Variants in IL4I1 observed in about 807,000 individuals in gnomAD.
The protein encoded by IL4I1 is interleukin 4 induced 1.
IL4I1 carries 24 observed loss-of-function variants against 29.7 expected under a neutral mutation model. The ratio of observed to expected loss-of-function variants is 0.81; its 90% CI spans 0.59 to 1.14. IL4I1 has a LOEUF of 1.14. Ranked by LOEUF, IL4I1 falls within the 50% of genes most tolerant of loss-of-function variation. The pLI, the probability that IL4I1 is intolerant of heterozygous loss-of-function variation, is 0.00. For missense variants in IL4I1, 686 were observed against 785.6 expected (o/e 0.87, Z 1.52); for synonymous variants, 371 against 352.5 (o/e 1.05, Z -0.59).
At position 49,890,965 on chromosome 19, in the gene IL4I1, C is replaced by CCCCCCCCCCCG; in HGVS notation, c.773+5_773+6insCGGGGGGGGGG. The CCCCCCCCCCCG allele has an allele frequency of 6.5e-7, 1 of 1,531,630 alleles. No homozygotes were observed. Among genetic ancestry groups the CCCCCCCCCCCG allele is most frequent in the Non-Finnish European group, 8.8e-7 (1 of 1,137,636 alleles). The allele number at this position is 1,531,630 out of a possible 1,614,324, so 94.9% of individuals were successfully genotyped here. Reference sequence around the variant, plus strand: ...CCCCCCCCTGCCCGCCAGCCCCGCCCCTTACTGGAGTCTGTCGCTGAGGCA... The same window carrying CCCCCCCCCCCG: ...CCCCCCCCTGCCCGCCAGCCCCGCCCCCCCCCCCCCGCTTACTGGAGTCTGTCGCTGAGGCA... On this transcript the variant is annotated splice_donor_region_variant and intron_variant, in intron 7 of 7. Transcript: ENST00000391826.
intron 2 of IL4I1, among the ~76,000 whole-genome samples, chr19:49,915,867 A>G (rs1055044237): frequency 2.6e-5 from 4 of 152,254 alleles, no homozygotes; most frequent in African/African-American, 9.6e-5. Flanking sequence ...TAGGCCATCT[A>G]TGATGGGAGG....
chr19:49,921,674 C>A lies in IL4I1; in HGVS notation c.-228+6020G>T, dbSNP rs2075768277. ...CTCAAAACTCTCCATGGGGGGTACC[C>A]CTCTGCCCATTGAGGGGGCACCTAG... On this transcript the variant is annotated intron_variant, in intron 2 of 9. Coordinates refer to the IL4I1 transcript ENST00000341114. This position sits in a 1 kb window ranked among gnomAD's most constrained non-coding sequence, Gnocchi z 5.4. Among the ~76,000 whole-genome samples, 1 of 152,224 alleles carries A rather than the reference C, an allele frequency of 6.6e-6. No individual in the cohort carries two copies. Among genetic ancestry groups the A allele is most frequent in the Non-Finnish European group, 1.5e-5 (1 of 68,036 alleles).
chr19:49,927,502 G>T (rs887051457), intron 2 of IL4I1, among the ~76,000 whole-genome samples: 2 of 152,198 alleles, frequency 1.3e-5, no homozygotes, highest in Non-Finnish European at 2.9e-5. Context: ...GACAAGCTCA[G>T]TCTATGCTCT....
intron 2 of IL4I1, among the ~76,000 whole-genome samples, chr19:49,904,911 C>T (rs191977795): frequency 1.2e-4 from 18 of 152,222 alleles, no homozygotes; most frequent in East Asian, 3.9e-4. Flanking sequence ...AGGGTTTCAC[C>T]GTGTTAGCCA....
intron 7 of IL4I1, 122 bp from the exon 8 acceptor site, chr19:49,890,722 A>G: frequency 1.2e-6 from 1 of 826,860 alleles, no homozygotes. Flanking sequence ...CCCGTCATCC[A>G]CCTCTCCCGA....
rs535071718 is a variant in IL4I1, at chr19:49,896,053, G to T, written c.14C>A (p.Ala5Asp). The T allele has an allele frequency of 4.3e-6, 7 of 1,613,580 alleles. No individual in the cohort carries two copies. The highest frequency in any genetic ancestry group is 5.9e-6 in the Non-Finnish European group (7 of 1,179,676). The change falls in exon 3 of 8, where the codon GCC (alanine) becomes GAC (aspartate). Residue 5 changes from alanine (A) to aspartate (D), a missense_variant and splice_region_variant. Physicochemically the swap from Ala to Asp is moderately radical, Grantham distance 126 (BLOSUM62 -2). Transcript: ENST00000391826. ...GGGGACGAGGACGAGGAGGTGCAGG[G>T]CTGGGAGGAGGAGGACAGGGTCAAC... MAPL[A>D]LHLLVLVPIL... is the part of the protein sequence containing the mutation.
rs745773961 is a variant in IL4I1 at position 49,890,030 on chromosome 19, C to T, written c.1344G>A (p.Gln448=). Residue 448 remains glutamine (Q), a synonymous_variant, in exon 8 of 8, where the codon CAG becomes CAA. Transcript: ENST00000391826. ...TGVVKRWAED[Q]HSQGGFVVQP... is the part of the protein sequence containing the mutation. ...GTACCACAAAGCCACCCTGGCTGTGCTGGTCCTCCGCCCAACGCTTGACGA... is the reference window on the plus strand; with the variant it reads ...GTACCACAAAGCCACCCTGGCTGTGTTGGTCCTCCGCCCAACGCTTGACGA... 12 of 1,551,710 alleles carry T rather than the reference C, an allele frequency of 7.7e-6. No homozygotes were observed. The Admixed American group carries it at 1.6e-4, about 20-fold the overall frequency.
At chr19:49,894,203 G>C in intron 5 of IL4I1, 65 bp downstream of exon 5, 7 of 1,496,796 alleles carry the variant, frequency 4.7e-6, no homozygotes, top group Non-Finnish European at 5.5e-6. Context: ...GAAAAGCCGG[G>C]CCGGGGCGAG....
At chr19:49,891,335 ACT>A (rs2075135940) in intron 6 of IL4I1, 68 bp downstream of exon 6, 8 of 1,543,150 alleles carry the variant, frequency 5.2e-6, no homozygotes, top group South Asian at 2.2e-5. Flanking sequence ...CCGCCTTCTG[ACT>A]CTCTGGGGAA....
intron 2 of IL4I1, among the ~76,000 whole-genome samples, chr19:49,925,498 G>C (rs551755438): frequency 1.6e-4 from 24 of 148,712 alleles, no homozygotes; most frequent in Non-Finnish European, 4.4e-5. Flanking sequence ...TCAATATCCC[G>C]CAATCCCAGT....
chr19:49,928,068 C>T (rs1011067706), intron 1 of IL4I1: 3 of 152,220 alleles, frequency 2.0e-5, no homozygotes, highest in Non-Finnish European at 2.9e-5. Flanking sequence ...CCTGGGCACC[C>T]ATCATTTGGA....
chr19:49,908,891 G>A (rs1423959579), intron 2 of IL4I1: 2 of 1,609,262 alleles, frequency 1.2e-6, no homozygotes, highest in South Asian at 2.2e-5. Flanking sequence ...GGCAGCTGCT[G>A]TATTGCTGGG....
upstream of IL4I1, chr19:49,901,659 G>T: frequency 6.5e-7 from 1 of 1,530,288 alleles, no homozygotes; most frequent in Non-Finnish European, 8.8e-7. Flanking sequence ...CCTCTGGGGG[G>T]CTCTCTCAGC....
chr19:49,928,360 A>G (rs2075960499), intron 1 of IL4I1: 1 of 152,192 alleles, frequency 6.6e-6, no homozygotes, highest in Admixed American at 6.5e-5. Flanking sequence ...TACTAAAAAT[A>G]CAAAAAATTA....
Position 49,890,152 on chromosome 19 carries a change from C to A in IL4I1, c.1222G>T (p.Ala408Ser). Residue 408 changes from alanine to serine, a missense_variant, in exon 8 of 8, where the codon GCC (alanine) becomes TCC (serine). Coordinates refer to ENST00000391826, the MANE Select transcript of IL4I1 (RefSeq NM_152899.2). ...AACGCCTCTTCCCGGCTCAAGCCGGCGAACGCTGCCGCCGCGTCCGACCAC... is the reference window on the plus strand; with the variant it reads ...AACGCCTCTTCCCGGCTCAAGCCGGAGAACGCTGCCGCCGCGTCCGACCAC... ...YTWSDAAAAF[A>S]GLSREEALRL... 6.5e-7 allele frequency: 1 copy of A among 1,541,258 alleles called. No homozygotes were observed. Among genetic ancestry groups the A allele is most frequent in the Non-Finnish European group, 8.7e-7 (1 of 1,143,058 alleles).
rs1469867486 is a variant in IL4I1 at position 49,895,216 on chromosome 19, C to G, written c.253-36G>C. 3.9e-6 allele frequency: 6 copies of G among 1,548,524 alleles called. No homozygotes were observed. In the African/African-American group the frequency reaches 5.4e-5, roughly 14 times the overall value. On this transcript the variant is annotated intron_variant, in intron 3 of 7. Transcript: ENST00000391826. ...CCGTGGGGCGAGGAGGGCCCTTCAG[C>G]TCCACCCACTGACCATCCCCTGCCC...
intron 5 of IL4I1, among the ~76,000 whole-genome samples, chr19:49,891,702 C>T (rs989925903): frequency 1.3e-5 from 2 of 152,258 alleles, no homozygotes; most frequent in East Asian, 1.9e-4. Context: ...CGCCCATCCC[C>T]CCTCATTCGG....
chr19:49,927,899 G>A (rs1434180687), intron 1 of IL4I1: 2 of 152,258 alleles, frequency 1.3e-5, no homozygotes, highest in African/African-American at 4.8e-5. Flanking sequence ...GCTACCCTGT[G>A]ACTAAACGAA....
At chr19:49,897,287 G>A (rs1191344993), upstream of IL4I1, among the ~76,000 whole-genome samples, 7 of 152,150 alleles carry the variant, frequency 4.6e-5, no homozygotes, top group African/African-American at 7.2e-5. Flanking sequence ...GTCCCTCTCC[G>A]TCAGGTGTCG....
Sources: allele counts gnomAD v4.1 joint callset (sites outside exome capture counted in the v4.1 genomes callset), GRCh38; gene constraint gnomAD v4.1.1; non-coding constraint Gnocchi (gnomAD v3.1); transcripts MANE v1.5; gene names NCBI Gene and HGNC (gene_info 2026-07-23, HGNC 2026-07-21).